Variants in NCAM2 observed in about 807,000 individuals in gnomAD.
NCAM2 encodes the protein N-CAM-2.
A neutral mutation model predicts 98.1 loss-of-function variants in NCAM2; 30 were observed. The ratio of observed to expected loss-of-function variants is 0.31; its 90% CI spans 0.23 to 0.41. NCAM2 has a LOEUF of 0.41. Ranked by LOEUF, NCAM2 falls within the 10% of genes least tolerant of loss-of-function variation. NCAM2 has a pLI of 1.00. For synonymous variants in NCAM2, 368 were observed against 342.4 expected, an observed-to-expected ratio of 1.07 and a Z score of -0.83; for missense variants, 867 against 1,005.8, an observed-to-expected ratio of 0.86 and a Z score of 1.87.
At chr21:21,411,292 T>G (rs569713895) in intron 10 of NCAM2, among the ~76,000 whole-genome samples, 2 of 148,668 alleles carry the variant, frequency 1.3e-5, no homozygotes, top group Non-Finnish European at 3.0e-5. Flanking sequence ...TAAAAATTTG[T>G]CTTCAATGTT....
chr21:21,278,804 T>A lies in NCAM2; in HGVS notation c.56-1774T>A, dbSNP rs553693585. Among the ~76,000 whole-genome samples, 32 of 152,334 alleles carry A rather than the reference T, an allele frequency of 2.1e-4. 1 individual carries two copies. The highest frequency in any genetic ancestry group is 9.2e-4 in the Admixed American group (14 of 15,296). ...TTACCAGGGTTTTATTTATTTATTT[T>A]TTTTGGTAAATATTTTGTTGCTTCC... On this transcript the variant is annotated intron_variant, in intron 1 of 17. Coordinates refer to ENST00000400546, the MANE Select transcript of NCAM2 (RefSeq NM_004540.5).
intron 1 of NCAM2, among the ~76,000 whole-genome samples, chr21:21,219,675 T>A (rs992486979): frequency 3.3e-5 from 5 of 152,226 alleles, no homozygotes; most frequent in African/African-American, 1.2e-4. Flanking sequence ...ACTATAATTT[T>A]ATCATTATTT....
chr21:21,386,946 C>G (rs1176297168), intron 9 of NCAM2, among the ~76,000 whole-genome samples: 1 of 152,138 alleles, frequency 6.6e-6, no homozygotes, highest in Non-Finnish European at 1.5e-5. Flanking sequence ...GCTTTCTGTC[C>G]TTTCTCTGGA....
intron 1 of NCAM2, among the ~76,000 whole-genome samples, chr21:21,131,803 C>G (rs2066941930): frequency 6.6e-6 from 1 of 152,096 alleles, no homozygotes; most frequent in Non-Finnish European, 1.5e-5. Flanking sequence ...TAAATTGTTT[C>G]CCAGTATGTA....
intron 12 of NCAM2, among the ~76,000 whole-genome samples, chr21:21,464,025 C>A (rs1350815812): frequency 1.3e-5 from 2 of 152,090 alleles, no homozygotes; most frequent in Non-Finnish European, 2.9e-5. Flanking sequence ...GATCTCTACA[C>A]TTCTGATTTA....
intron 10 of NCAM2, among the ~76,000 whole-genome samples, chr21:21,415,316 G>T (rs1249049803): frequency 7.4e-6 from 1 of 135,842 alleles, no homozygotes; most frequent in Non-Finnish European, 1.6e-5. Context: ...TTCCATCAAT[G>T]ATCTTAGCTT....
chr21:21,327,004 C>T (rs1407804420), intron 6 of NCAM2, among the ~76,000 whole-genome samples: 1 of 152,202 alleles, frequency 6.6e-6, no homozygotes, highest in Non-Finnish European at 1.5e-5. Flanking sequence ...TAAGTGAAGT[C>T]AGTTGTACTA....
intron 1 of NCAM2, among the ~76,000 whole-genome samples, chr21:21,026,855 CTTTTT>C (rs752588922): frequency 6.3e-5 from 8 of 126,806 alleles, no homozygotes; most frequent in South Asian, 2.5e-4. Flanking sequence ...TCTTCTTCTT[CTTTTT>C]TTTTTTTTTT....
chr21:21,352,917 G>A (rs931729084), intron 8 of NCAM2, among the ~76,000 whole-genome samples: 2 of 151,096 alleles, frequency 1.3e-5, no homozygotes, highest in Non-Finnish European at 1.5e-5. Context: ...GCAGTGGCAC[G>A]ATCCCAGCCC....
intron 8 of NCAM2, among the ~76,000 whole-genome samples, chr21:21,348,544 G>A (rs1319666889): frequency 2.0e-5 from 3 of 152,006 alleles, no homozygotes; most frequent in East Asian, 3.9e-4. Flanking sequence ...TACAGATTCA[G>A]TGCAATCCCT....
chr21:21,135,257 A>AAAC (rs1555889224), intron 1 of NCAM2, among the ~76,000 whole-genome samples: 1 of 50,674 alleles, frequency 2.0e-5, no homozygotes, highest in Non-Finnish European at 3.9e-5. Flanking sequence ...AAAAAAAAAA[A>AAAC]AAAAAAACTT....
chr21:21,228,358 C>T (rs1164627959), intron 1 of NCAM2, among the ~76,000 whole-genome samples: 2 of 151,218 alleles, frequency 1.3e-5, no homozygotes, highest in Non-Finnish European at 3.0e-5. Flanking sequence ...CAATTTTCTG[C>T]CTGATATCTA....
chr21:21,328,189 A>T (rs918460325), intron 6 of NCAM2, among the ~76,000 whole-genome samples: 2 of 152,244 alleles, frequency 1.3e-5, no homozygotes, highest in Non-Finnish European at 2.9e-5. Context: ...CGCAGCCATC[A>T]TAAAATCATA....
chr21:21,363,288 C>G (rs2148003092), intron 8 of NCAM2, among the ~76,000 whole-genome samples: 1 of 152,198 alleles, frequency 6.6e-6, no homozygotes, highest in East Asian at 1.9e-4. Flanking sequence ...ATAACTACCT[C>G]TTTCTATGTT....
rs112203964 is a variant in NCAM2, at chr21:21,183,378, A to G, written c.56-97200A>G. Among the ~76,000 whole-genome samples the G allele has an allele frequency of 6.2e-3, 940 of 152,206 alleles. 7 individuals carry two copies. The highest frequency in any genetic ancestry group is 1.0e-2 in the Non-Finnish European group (677 of 67,992). Reference sequence around the variant, plus strand: ...TAACTGAATAACAGAGCCACCGTGGATAGTGTCTATGAGAGAGAGAAACAA... The same window carrying G: ...TAACTGAATAACAGAGCCACCGTGGGTAGTGTCTATGAGAGAGAGAAACAA... On this transcript the variant is annotated intron_variant, in intron 1 of 17. Coordinates refer to ENST00000400546, the MANE Select transcript of NCAM2 (RefSeq NM_004540.5).
chr21:21,249,706 T>G lies in NCAM2; in HGVS notation c.56-30872T>G, dbSNP rs1008793445. On this transcript the variant is annotated intron_variant, in intron 1 of 17. Coordinates refer to ENST00000400546, the MANE Select transcript of NCAM2 (RefSeq NM_004540.5). ...TATTTATTTGTTTAAGTATTTTTTG[T>G]CTGTTCTTTAGGTCAATAATAGAGT... 7.3e-5 allele frequency among the ~76,000 whole-genome samples: 11 copies of G among 151,584 alleles called. No individual in the cohort carries two copies. In the East Asian group the frequency reaches 2.1e-3, roughly 29 times the overall value.
intron 1 of NCAM2, among the ~76,000 whole-genome samples, chr21:21,235,506 C>G (rs2070783233): frequency 6.6e-6 from 1 of 151,940 alleles, no homozygotes; most frequent in South Asian, 2.1e-4. Context: ...TGATTAATTA[C>G]AAAATTCTCC....
Position 21,021,185 on chromosome 21 carries a change from T to G in NCAM2, c.55+22567T>G, listed in dbSNP as rs184481600. On this transcript the variant is annotated intron_variant, in intron 1 of 17. Coordinates refer to ENST00000400546, the MANE Select transcript of NCAM2 (RefSeq NM_004540.5). The stretch of plus-strand genomic sequence containing the variant: ...AATGCATTCTTTTTCTATGGATCAT[T>G]TTTTTTTTGTAAATTCTTTGTTATG... Among the ~76,000 whole-genome samples, 39 of 144,208 alleles carry G rather than the reference T, an allele frequency of 2.7e-4. No homozygotes were observed. The East Asian group carries it at 7.5e-3, about 28-fold the overall frequency. 94.6% of individuals were successfully genotyped at this position (144,208 alleles called of 152,430 possible).
At chr21:21,277,248 A>G (rs2072761752) in intron 1 of NCAM2, among the ~76,000 whole-genome samples, 1 of 152,100 alleles carries the variant, frequency 6.6e-6, no homozygotes, top group African/African-American at 2.4e-5. Flanking sequence ...CCATTCATTC[A>G]TATATTATTA....
Sources: gnomAD v4.1 joint callset for allele counts (sites outside exome capture counted in the v4.1 genomes callset) on GRCh38, gnomAD v4.1.1 for gene constraint, MANE v1.5 for transcripts, NCBI Gene and HGNC (gene_info 2026-07-23, HGNC 2026-07-21) for gene names.